Variants in HHAT observed in about 807,000 individuals in gnomAD.
HHAT encodes hedgehog acyltransferase.
A neutral mutation model predicts 70.8 loss-of-function variants in HHAT; 47 were observed. The ratio of observed to expected loss-of-function variants is 0.66; its 90% CI spans 0.53 to 0.85. The LOEUF is 0.85. Among genes scored for constraint, HHAT ranks in the 40% least tolerant of loss-of-function variants. HHAT has a pLI of 0.00. For missense variants in HHAT, 609 were observed against 604.8 expected (o/e 1.01, Z -0.07); for synonymous variants, 228 against 247.6 (o/e 0.92, Z 0.74).
chr1:210,560,420 T>C (rs1439270672), intron 9 of HHAT, among the ~76,000 whole-genome samples: 1 of 152,090 alleles, frequency 6.6e-6, no homozygotes, highest in Non-Finnish European at 1.5e-5. Context: ...AGTTATTCCC[T>C]GAGGAGACCT....
intron 10 of HHAT, among the ~76,000 whole-genome samples, chr1:210,622,603 C>T (rs148413040): frequency 0.01 from 1,580 of 152,306 alleles, 25 homozygotes; most frequent in African/African-American, 0.036. Flanking sequence ...CTGTAAAACA[C>T]CCCTCCAGCC....
intron 7 of HHAT, 93 bp from the exon 8 acceptor site, chr1:210,464,412 G>C: frequency 8.2e-7 from 1 of 1,217,442 alleles, no homozygotes; most frequent in South Asian, 1.3e-5. Context: ...GGGGAGAAGC[G>C]GGGCAGTTGG....
intron 9 of HHAT, among the ~76,000 whole-genome samples, 161 bp downstream of exon 9, chr1:210,513,349 A>G (rs2094994500): frequency 6.6e-6 from 1 of 152,208 alleles, no homozygotes; most frequent in Non-Finnish European, 1.5e-5. Context: ...GTTTCCCAGA[A>G]TCACACGATT....
chr1:210,553,417 T>C (rs1205075366), intron 9 of HHAT, among the ~76,000 whole-genome samples: 1 of 152,222 alleles, frequency 6.6e-6, no homozygotes, highest in African/African-American at 2.4e-5. Flanking sequence ...ATTCTTCTGC[T>C]GAGGCCCTTT....
At chr1:210,643,635 A>C (rs1255297640) in intron 11 of HHAT, among the ~76,000 whole-genome samples, 1 of 152,192 alleles carries the variant, frequency 6.6e-6, no homozygotes, top group African/African-American at 2.4e-5. Flanking sequence ...TGGTCAATGA[A>C]TCTTTTGCAG....
intron 4 of HHAT, among the ~76,000 whole-genome samples, chr1:210,396,243 G>A (rs1008273568): frequency 1.6e-4 from 24 of 152,134 alleles, no homozygotes; most frequent in African/African-American, 5.8e-4. Flanking sequence ...GGAAGAACCT[G>A]GAATAAAGAC....
chr1:210,489,254 T>C (rs1206153911), intron 8 of HHAT, among the ~76,000 whole-genome samples: 1 of 152,178 alleles, frequency 6.6e-6, no homozygotes, highest in Admixed American at 6.5e-5. Context: ...CTGCTGTCCC[T>C]AAACAGCTAG....
chr1:210,442,721 G>A (rs1350920608), intron 7 of HHAT, among the ~76,000 whole-genome samples: 2 of 152,142 alleles, frequency 1.3e-5, no homozygotes, highest in Non-Finnish European at 2.9e-5. Flanking sequence ...TTGTAAATTT[G>A]TTTGAGTTCA....
chr1:210,559,600 A>G (rs1000391657), intron 9 of HHAT, among the ~76,000 whole-genome samples: 2 of 152,220 alleles, frequency 1.3e-5, no homozygotes, highest in African/African-American at 4.8e-5. Context: ...TCTTTCCGCC[A>G]TACAATTATG....
At chr1:210,341,052 T>C (rs921610721) in intron 1 of HHAT, among the ~76,000 whole-genome samples, 1 of 152,220 alleles carries the variant, frequency 6.6e-6, no homozygotes, top group Non-Finnish European at 1.5e-5. Flanking sequence ...ACTTGTAAAG[T>C]GCCTTTTCAG....
chr1:210,506,878 A>T (rs1338182119), intron 8 of HHAT, among the ~76,000 whole-genome samples: 1 of 152,144 alleles, frequency 6.6e-6, no homozygotes. Context: ...TCTTGCCCTT[A>T]TGAAGTTTTT....
At chr1:210,574,167 A>G (rs954726374) in intron 9 of HHAT, among the ~76,000 whole-genome samples, 1 of 152,248 alleles carries the variant, frequency 6.6e-6, no homozygotes, top group Non-Finnish European at 1.5e-5. Context: ...AGATGAATGC[A>G]TGAATCTTAA....
chr1:210,335,075 A>G (rs1346170048), intron 1 of HHAT, among the ~76,000 whole-genome samples: 5 of 152,186 alleles, frequency 3.3e-5, no homozygotes, highest in Non-Finnish European at 7.3e-5. Flanking sequence ...TGTTACTAAA[A>G]ATTGATAAGG....
chr1:210,514,694 TGA>T (rs1181431393), intron 9 of HHAT, among the ~76,000 whole-genome samples: 1 of 152,138 alleles, frequency 6.6e-6, no homozygotes, highest in Non-Finnish European at 1.5e-5. Flanking sequence ...ATGAATGAGA[TGA>T]GACAGAAAGG....
intron 9 of HHAT, among the ~76,000 whole-genome samples, chr1:210,579,718 T>G (rs1267488847): frequency 1.3e-5 from 2 of 152,192 alleles, no homozygotes; most frequent in East Asian, 3.9e-4. Flanking sequence ...TCTCAAGCAC[T>G]GCGCTCTTTC....
intron 6 of HHAT, among the ~76,000 whole-genome samples, chr1:210,415,189 C>T (rs1383235616): frequency 6.6e-6 from 1 of 152,184 alleles, no homozygotes; most frequent in Non-Finnish European, 1.5e-5. Context: ...ATTTAACCAA[C>T]ACCCTAGTGT....
chr1:210,568,758 T>G (rs1324404309), intron 9 of HHAT, among the ~76,000 whole-genome samples: 2 of 152,172 alleles, frequency 1.3e-5, no homozygotes, highest in African/African-American at 4.8e-5. Flanking sequence ...AGAGGCTATT[T>G]CCTGTCATAG....
At chr1:210,434,987 T>C (rs1435023268) in intron 7 of HHAT, among the ~76,000 whole-genome samples, 1 of 151,864 alleles carries the variant, frequency 6.6e-6, no homozygotes, top group Non-Finnish European at 1.5e-5. Context: ...CTAGGAACAT[T>C]TGAATTATTT....
At chr1:210,622,097 G>T (rs939228593) in intron 10 of HHAT, among the ~76,000 whole-genome samples, 1 of 152,148 alleles carries the variant, frequency 6.6e-6, no homozygotes, top group Non-Finnish European at 1.5e-5. Context: ...CAGTAGGGCC[G>T]CATAATAAGT....
Sources: gnomAD v4.1 joint callset for allele counts (sites outside exome capture counted in the v4.1 genomes callset) on GRCh38, gnomAD v4.1.1 for gene constraint, MANE v1.5 for transcripts, NCBI Gene and HGNC (gene_info 2026-07-23, HGNC 2026-07-21) for gene names.